Variants in MGAM observed in about 807,000 individuals in gnomAD.
The protein encoded by MGAM is alpha-1,4-glucosidase.
Under a neutral mutation model 358.8 loss-of-function variants are expected in MGAM, and 253 were observed. The ratio of observed to expected loss-of-function variants is 0.71; its 90% CI spans 0.64 to 0.78. The LOEUF (loss-of-function observed/expected upper bound fraction) is 0.78. MGAM is among the 30% of genes least tolerant of loss of function. MGAM has a pLI of 0.00. For synonymous variants in MGAM, 1,105 were observed against 1,227.1 expected (o/e 0.90, Z 2.08); for missense variants, 3,080 against 3,432.6 (o/e 0.90, Z 2.57).
chr7:142,044,488 A>G (rs1212255812), intron 21 of MGAM, among the ~76,000 whole-genome samples: 8 of 132,684 alleles, frequency 6.0e-5, no homozygotes, highest in Non-Finnish European at 9.4e-5. Flanking sequence ...TGTATATTAT[A>G]TACACTTACG....
At chr7:141,999,873 C>T (rs1804595804) in intron 1 of MGAM, among the ~76,000 whole-genome samples, 1 of 151,926 alleles carries the variant, frequency 6.6e-6, no homozygotes, top group African/African-American at 2.4e-5. Context: ...TTCTATAATG[C>T]AGGAAGTAAG....
intron 21 of MGAM, among the ~76,000 whole-genome samples, chr7:142,046,008 A>G (rs890327336): frequency 1.5e-5 from 2 of 132,884 alleles, no homozygotes; most frequent in African/African-American, 5.7e-5. Flanking sequence ...TGTAATATAT[A>G]TTATGTATAC....
intron 21 of MGAM, among the ~76,000 whole-genome samples, chr7:142,046,549 C>T (rs1454694452): frequency 6.6e-6 from 1 of 152,026 alleles, no homozygotes; most frequent in Non-Finnish European, 1.5e-5. Flanking sequence ...GGCTTAGTAG[C>T]CCAATTTTAA....
At chr7:142,012,911 G>C (rs1554454828) in intron 3 of MGAM, among the ~76,000 whole-genome samples, 3 of 152,056 alleles carry the variant, frequency 2.0e-5, no homozygotes, top group Non-Finnish European at 1.5e-5. Flanking sequence ...CTTCTTACAT[G>C]GTGGCTCAGT....
intron 64 of MGAM, chr7:142,095,978 C>A (rs1435755922): frequency 3.2e-6 from 2 of 621,490 alleles, no homozygotes; most frequent in Non-Finnish European, 5.5e-6. Context: ...AAAGGCCTAT[C>A]TATCTTTTGT....
chr7:142,050,411 A>G, intron 23 of MGAM, 127 bp downstream of exon 23: 4 of 1,151,748 alleles, frequency 3.5e-6, no homozygotes, highest in Non-Finnish European at 3.9e-6. Context: ...GCTATAGGTG[A>G]GTACATTTCT....
At chr7:142,049,796 A>G (rs1301886411) in intron 22 of MGAM, among the ~76,000 whole-genome samples, 1 of 152,194 alleles carries the variant, frequency 6.6e-6, no homozygotes, top group Non-Finnish European at 1.5e-5. Flanking sequence ...AAGATAAGAG[A>G]TAAGTGCTGG....
At chr7:141,992,306 A>G (rs1164496554), upstream of MGAM, among the ~76,000 whole-genome samples, 1 of 152,236 alleles carries the variant, frequency 6.6e-6, no homozygotes, top group Non-Finnish European at 1.5e-5. Flanking sequence ...GTTAATAAGC[A>G]GACCTGGGCT....
At position 142,034,745 on chromosome 7, in the gene MGAM, T is replaced by G; in HGVS notation, c.1863T>G (p.Phe621Leu). Reference protein sequence around the residue: ...TRSTFAGSGKFAAHWLGDNTA... With the variant: ...TRSTFAGSGKLAAHWLGDNTA... ...CTACCTTTGCGGGCTCTGGCAAGTT[T>G]GCAGCACATTGGTTAGGAGACAACA... Residue 621 changes from phenylalanine (F) to leucine (L), a missense_variant, in exon 16 of 71, where the codon TTT (phenylalanine) becomes TTG (leucine). Physicochemically the swap from Phe to Leu is conservative, Grantham distance 22 (BLOSUM62 0). Transcript: ENST00000475668. The G allele has an allele frequency of 2.5e-6, 4 of 1,613,616 alleles. No homozygotes were observed. The South Asian group carries it at 4.4e-5, about 18-fold the overall frequency.
chr7:142,030,316 A>G (rs782587400), intron 10 of MGAM, 46 bp from the exon 11 acceptor site: 2 of 1,593,268 alleles, frequency 1.3e-6, no homozygotes, highest in South Asian at 2.3e-5. Flanking sequence ...TCATTTTACT[A>G]TGGAAATTCC....
rs765116178 is a variant in MGAM, at chr7:142,076,684, A to G, written c.5351A>G (p.Gln1784Arg). The change falls in exon 47 of 71, where the codon CAA becomes CGA. Residue 1784 changes from glutamine to arginine, a missense_variant. Gln to Arg is a conservative substitution (Grantham distance 43). Around this residue, in one of 5 missense-constraint regions of MGAM, gnomAD observed 932 missense variants for 1,198.2 expected, o/e 0.78. Coordinates refer to ENST00000475668, the MANE Select transcript of MGAM (RefSeq NM_001365693.1). ...AACCACTTGGAGGTGACTATTTCAC[A>G]ATCAACCTACAAGGACCCCAATAAT... Reference protein sequence around the residue: ...TQNHLEVTISQSTYKDPNNLA... With the variant: ...TQNHLEVTISRSTYKDPNNLA... The G allele has an allele frequency of 1.9e-6, 3 of 1,550,050 alleles. No individual in the cohort carries two copies. In the Admixed American group the frequency reaches 5.2e-5, roughly 27 times the overall value.
intron 27 of MGAM, among the ~76,000 whole-genome samples, chr7:142,055,318 G>T (rs1279152143): frequency 6.6e-6 from 1 of 152,164 alleles, no homozygotes; most frequent in Non-Finnish European, 1.5e-5. Flanking sequence ...GCTTGGATTT[G>T]TATTGTGGAG....
chr7:142,055,681 G>A lies in MGAM; in HGVS notation c.3438G>A (p.Leu1146=). ...AGCACAGGTCCTATAGGAGAGACTT[G>A]GAGTGGCACACTTGGGGGATGTTCT... The part of the protein sequence containing the change: ...ETEHRSYRRD[L]EWHTWGMFSR... The change falls in exon 28 of 71, where the codon TTG becomes TTA. Residue 1146 remains leucine, a synonymous_variant. Transcript: ENST00000475668. 6.2e-7 allele frequency: 1 copy of A among 1,613,922 alleles called. No homozygotes were observed. The highest frequency in any genetic ancestry group is 8.5e-7 in the Non-Finnish European group (1 of 1,179,866).
Position 142,036,927 on chromosome 7 carries a change from C to A in MGAM, c.2181C>A (p.Phe727Leu). The change falls in exon 18 of 71, where the codon TTC becomes TTA. Residue 727 changes from phenylalanine (F) to leucine (L), a missense_variant. Coordinates refer to ENST00000475668, the MANE Select transcript of MGAM (RefSeq NM_001365693.1). ...YTLLPYLYTL[F>L]FRAHSRGDTV... is the part of the protein sequence containing the mutation. Reference sequence around the variant, plus strand: ...TATTGCCCTACCTATACACCCTCTTCTTCCGTGCTCACAGCCGAGGGGACA... The same window carrying A: ...TATTGCCCTACCTATACACCCTCTTATTCCGTGCTCACAGCCGAGGGGACA... 2 of 1,613,788 alleles carry A rather than the reference C, an allele frequency of 1.2e-6. No homozygotes were observed. The highest frequency in any genetic ancestry group is 1.7e-6 in the Non-Finnish European group (2 of 1,179,708).
rs74583377 is a variant in MGAM at position 142,066,799 on chromosome 7, G to A, written c.4919+78G>A. 1,596 of 1,441,610 alleles carry A rather than the reference G, an allele frequency of 1.1e-3. 70 individuals are homozygous for A. In the African/African-American group the frequency reaches 0.019, roughly 17 times the overall value. 89.3% of individuals were successfully genotyped at this position (1,441,610 alleles called of 1,614,324 possible). ...TGTGGTAGCAGTTGATATACACAAC[G>A]CTTCCAAATTAAAGACATGATGGCC... On this transcript the variant is annotated intron_variant, in intron 41 of 70. Coordinates refer to ENST00000475668, the MANE Select transcript of MGAM (RefSeq NM_001365693.1).
chr7:142,030,227 GC>G, intron 10 of MGAM, 134 bp from the exon 11 acceptor site: 1 of 923,662 alleles, frequency 1.1e-6, no homozygotes, highest in Non-Finnish European at 1.6e-6. Flanking sequence ...GTACTCAGAT[GC>G]CAGGAACTGA....
intron 33 of MGAM, 101 bp from the exon 34 acceptor site, chr7:142,060,210 T>C (rs1337491871): frequency 6.1e-6 from 9 of 1,485,404 alleles, no homozygotes; most frequent in Non-Finnish European, 8.4e-6. Flanking sequence ...AGTCAAAGTA[T>C]TATTGCTCCT....
intron 65 of MGAM, among the ~76,000 whole-genome samples, chr7:142,097,107 T>TAA (rs199981828): frequency 6.6e-6 from 1 of 151,910 alleles, no homozygotes; most frequent in Non-Finnish European, 1.5e-5. Context: ...TTAAATTTTT[T>TAA]TTTTTATTTT....
At position 142,055,987 on chromosome 7, in the gene MGAM, C is replaced by T. The variant is rs755662193; in HGVS notation, c.3484-13C>T. 29 of 1,603,452 alleles carry T rather than the reference C, an allele frequency of 1.8e-5. No homozygotes were observed. The South Asian group carries it at 3.1e-4, about 17-fold the overall frequency. ...CTTTTAAACTCCTACTGCTTCTTCCCATGACTCCCCAGTACAAGAAGAATT... is the reference window on the plus strand; with the variant it reads ...CTTTTAAACTCCTACTGCTTCTTCCTATGACTCCCCAGTACAAGAAGAATT... On this transcript the variant is annotated splice_polypyrimidine_tract_variant and intron_variant, in intron 28 of 70. Coordinates refer to ENST00000475668, the MANE Select transcript of MGAM (RefSeq NM_001365693.1).
Sources: gnomAD v4.1 joint callset for allele counts (sites outside exome capture counted in the v4.1 genomes callset) on GRCh38, gnomAD v4.1.1 for gene constraint, gnomAD v4.1.1 regional missense constraint, MANE v1.5 for transcripts, NCBI Gene and HGNC (gene_info 2026-07-23, HGNC 2026-07-21) for gene names.